Variants in DOCK1 observed in about 807,000 individuals in gnomAD.
The protein encoded by DOCK1 is dedicator of cytokinesis 1.
In DOCK1, 138 loss-of-function variants were observed where a neutral mutation model predicts 262.7. The ratio of observed to expected loss-of-function variants is 0.53; its 90% CI spans 0.46 to 0.61. DOCK1 has a LOEUF of 0.61. Among genes scored for constraint, DOCK1 ranks in the 20% least tolerant of loss-of-function variants. DOCK1 has a pLI of 0.00. For missense variants in DOCK1, 1,908 were observed against 2,370.7 expected (o/e 0.80, Z 4.05); for synonymous variants, 866 against 867.4 (o/e 1.00, Z 0.03).
chr10:127,139,644 C>A (rs1008910171), intron 27 of DOCK1, among the ~76,000 whole-genome samples: 1 of 152,164 alleles, frequency 6.6e-6, no homozygotes, highest in Non-Finnish European at 1.5e-5. Context: ...GCCTCAGTTC[C>A]GTGATGTGGT....
intron 23 of DOCK1, among the ~76,000 whole-genome samples, chr10:127,064,337 C>T (rs765167985): frequency 1.4e-4 from 22 of 152,152 alleles, no homozygotes; most frequent in Non-Finnish European, 2.9e-4. Flanking sequence ...CTGCCACTGG[C>T]ATCAACTTTG....
chr10:127,105,335 G>T (rs2048470812), intron 23 of DOCK1, among the ~76,000 whole-genome samples: 1 of 152,100 alleles, frequency 6.6e-6, no homozygotes, highest in South Asian at 2.1e-4. Context: ...ATATACAAGG[G>T]TCCTAGCACA....
chr10:127,124,444 G>T (rs144432150), intron 25 of DOCK1, among the ~76,000 whole-genome samples: 95 of 152,286 alleles, frequency 6.2e-4, no homozygotes, highest in African/African-American at 2.2e-3. Context: ...AGTGGATGAT[G>T]CTCCAGCTAA....
At chr10:127,288,375 G>T (rs1264790227) in intron 29 of DOCK1, among the ~76,000 whole-genome samples, 1 of 152,134 alleles carries the variant, frequency 6.6e-6, no homozygotes, top group Non-Finnish European at 1.5e-5. Context: ...GTGGGAAGTG[G>T]TATTTAGAAA....
At chr10:127,419,609 G>A in intron 45 of DOCK1, 57 bp from the exon 46 acceptor site, 2 of 1,504,782 alleles carry the variant, frequency 1.3e-6, no homozygotes, top group Non-Finnish European at 9.1e-7. Context: ...CAGTAAGTGT[G>A]CAAAAACCTG....
chr10:127,111,176 A>G (rs574272266), intron 25 of DOCK1, among the ~76,000 whole-genome samples: 2 of 152,240 alleles, frequency 1.3e-5, no homozygotes, highest in East Asian at 1.9e-4. Context: ...TGGGTTTGGA[A>G]CACACTCTGT....
intron 29 of DOCK1, among the ~76,000 whole-genome samples, chr10:127,317,078 AT>A (rs11340957): frequency 0.21 from 32,538 of 152,036 alleles, 4,290 homozygotes; most frequent in African/African-American, 0.38. Context: ...TAGGAAAGCT[AT>A]TTTTGAGACT....
chr10:127,276,843 A>ACTTT (rs1304827862), intron 29 of DOCK1, among the ~76,000 whole-genome samples: 2 of 135,524 alleles, frequency 1.5e-5, no homozygotes, highest in East Asian at 3.9e-4. Context: ...TCACATGGTA[A>ACTTT]ACGTTATGGG....
At chr10:127,328,763 G>A (rs1019835231) in intron 29 of DOCK1, among the ~76,000 whole-genome samples, 2 of 152,164 alleles carry the variant, frequency 1.3e-5, no homozygotes, top group African/African-American at 2.4e-5. Context: ...TCTCTGGGAA[G>A]TGAAGGTTAG....
chr10:127,319,687 G>A (rs2062434415), intron 29 of DOCK1, among the ~76,000 whole-genome samples: 2 of 152,208 alleles, frequency 1.3e-5, no homozygotes, highest in Non-Finnish European at 2.9e-5. Flanking sequence ...GTGGGCCATG[G>A]AAAGCCCATA....
chr10:127,294,410 C>T (rs924496999), intron 29 of DOCK1, among the ~76,000 whole-genome samples: 9 of 152,192 alleles, frequency 5.9e-5, no homozygotes, highest in Non-Finnish European at 8.8e-5. Flanking sequence ...CAACCTCCGC[C>T]TCCCAGGTTC....
rs748875288 is a variant in DOCK1 at position 127,175,519 on chromosome 10, G to A, written c.2847+47755G>A. ...GAGGGCGCCTGGAGCCCGTTGAGAT[G>A]TGTGGCTCTCCTCCGCTCGTCATCT... On this transcript the variant is annotated intron_variant, in intron 27 of 51. Transcript: ENST00000623213. This position sits in a 1 kb window ranked among gnomAD's most constrained non-coding sequence, Gnocchi z 6.3. 1.2e-6 allele frequency: 2 copies of A among 1,609,616 alleles called. No homozygotes were observed. The highest frequency in any genetic ancestry group is 2.2e-5 in the East Asian group (1 of 44,864).
At chr10:127,116,947 TTC>T (rs2049221997) in intron 25 of DOCK1, among the ~76,000 whole-genome samples, 1 of 152,232 alleles carries the variant, frequency 6.6e-6, no homozygotes, top group South Asian at 2.1e-4. Flanking sequence ...TCATTTTCTC[TTC>T]TGTTTCTTTC....
Position 127,031,722 on chromosome 10 carries a change from G to A in DOCK1, c.1697G>A (p.Arg566Gln), listed in dbSNP as rs2043251964. The A allele has an allele frequency of 1.2e-6, 2 of 1,613,306 alleles. No homozygotes were observed. The highest frequency in any genetic ancestry group is 1.7e-6 in the Non-Finnish European group (2 of 1,179,774). Residue 566 changes from arginine to glutamine, a missense_variant, in exon 17 of 52, where the codon CGA (arginine) becomes CAA (glutamine). By Grantham distance (43) the Arg-to-Gln change is conservative. Transcript: ENST00000623213. The part of the protein sequence containing the change: ...KLMRYDGTTL[R>Q]DGEHDLIVYK... ...ATGAGATACGATGGTACCACCCTGCGAGACGGAGAGCACGATCTTATCGTC... is the reference window on the plus strand; with the variant it reads ...ATGAGATACGATGGTACCACCCTGCAAGACGGAGAGCACGATCTTATCGTC...
intron 1 of DOCK1, among the ~76,000 whole-genome samples, chr10:126,966,535 A>T (rs2037691889): frequency 1.3e-5 from 2 of 152,018 alleles, no homozygotes; most frequent in Non-Finnish European, 2.9e-5. Context: ...TTATCTCTGC[A>T]CCTCACTGGC....
chr10:127,133,937 G>A (rs2050485199), intron 27 of DOCK1, among the ~76,000 whole-genome samples: 3 of 152,318 alleles, frequency 2.0e-5, no homozygotes, highest in South Asian at 4.1e-4. Context: ...CAAAGAAGAC[G>A]TGCTGGTGTG....
intron 5 of DOCK1, chr10:126,988,268 T>C (rs2039554578): frequency 6.6e-6 from 1 of 152,208 alleles, no homozygotes; most frequent in African/African-American, 2.4e-5. Context: ...AGATTACCTT[T>C]TGTTAAGCTT....
chr10:127,002,085 T>C (rs2040635732), intron 10 of DOCK1, among the ~76,000 whole-genome samples: 2 of 152,252 alleles, frequency 1.3e-5, no homozygotes, highest in Admixed American at 6.5e-5. Flanking sequence ...CTGTAGCATC[T>C]TTTACATGTA....
chr10:127,354,791 C>G, intron 32 of DOCK1, 64 bp downstream of exon 32: 1 of 1,594,656 alleles, frequency 6.3e-7, no homozygotes, highest in Non-Finnish European at 8.6e-7. Flanking sequence ...ATGGCACTGG[C>G]CGTGTTCATC....
Sources: allele counts gnomAD v4.1 joint callset (sites outside exome capture counted in the v4.1 genomes callset), GRCh38; gene constraint gnomAD v4.1.1; non-coding constraint Gnocchi (gnomAD v3.1); transcripts MANE v1.5; gene names NCBI Gene and HGNC (gene_info 2026-07-23, HGNC 2026-07-21).